Variants in TWSG1 observed in about 807,000 individuals in gnomAD.
TWSG1 encodes the protein twisted gastrulation protein homolog 1.
TWSG1 carries 15 observed loss-of-function variants against 23.0 expected under a neutral mutation model. The ratio of observed to expected loss-of-function variants is 0.65; its 90% CI spans 0.44 to 1.00. The LOEUF (loss-of-function observed/expected upper bound fraction) is 1.00. Ranked by LOEUF, TWSG1 falls within the 50% of genes least tolerant of loss-of-function variation. The probability of loss-of-function intolerance (pLI) is 0.00; values close to 1 mark genes in which losing one functional copy is unlikely to be tolerated. For missense variants in TWSG1, 242 were observed against 278.7 expected (o/e 0.87, Z 0.94); for synonymous variants, 86 against 92.8 (o/e 0.93, Z 0.42).
In TWSG1 at chr18:9,397,052, C is replaced by T. The variant is rs754687115; in HGVS notation, c.490+506C>T. Reference sequence around the variant, plus strand: ...CAGCCTGGGTGGCAGAGCAAGACTCCGTCTCACCAAAAAAAAAAAAGATAA... The same window carrying T: ...CAGCCTGGGTGGCAGAGCAAGACTCTGTCTCACCAAAAAAAAAAAAGATAA... On this transcript the variant is annotated intron_variant, in intron 4 of 4. Transcript: ENST00000262120. 2.8e-3 allele frequency: 368 copies of T among 131,244 alleles called. 1 individual carries two copies. Among genetic ancestry groups the T allele is most frequent in the Admixed American group, 6.2e-3 (79 of 12,788 alleles). The allele number at this position is 131,244 out of a possible 1,614,324, so 8.1% of individuals were successfully genotyped here. A position where few individuals can be genotyped will look rare whatever the true frequency, so the allele number is the denominator to read the frequency against.
intron 3 of TWSG1, among the ~76,000 whole-genome samples, chr18:9,385,128 T>G (rs1256317390): frequency 2.0e-5 from 3 of 152,240 alleles, no homozygotes. Context: ...TTTGAAGATC[T>G]GTCTGTAGAA....
chr18:9,383,489 G>A (rs2040668788), intron 3 of TWSG1, among the ~76,000 whole-genome samples: 1 of 152,178 alleles, frequency 6.6e-6, no homozygotes, highest in Non-Finnish European at 1.5e-5. Flanking sequence ...ACTGCACCCG[G>A]CCTTGAATTA....
At chr18:9,378,763 G>A (rs1418981339) in intron 3 of TWSG1, among the ~76,000 whole-genome samples, 2 of 151,604 alleles carry the variant, frequency 1.3e-5, no homozygotes, top group Non-Finnish European at 2.9e-5. Context: ...CTGAGTTTAG[G>A]AGTTTGAGAC....
chr18:9,385,087 G>T (rs2040676027), intron 3 of TWSG1, among the ~76,000 whole-genome samples: 1 of 152,222 alleles, frequency 6.6e-6, no homozygotes, highest in South Asian at 2.1e-4. Flanking sequence ...GAGTGTGGGT[G>T]TGAGAAATGA....
chr18:9,356,469 A>G (rs2040527314), intron 2 of TWSG1, among the ~76,000 whole-genome samples: 2 of 152,332 alleles, frequency 1.3e-5, no homozygotes, highest in South Asian at 2.1e-4. Context: ...AGATTTCTCT[A>G]ATGGGAACTA....
intron 3 of TWSG1, among the ~76,000 whole-genome samples, chr18:9,368,867 G>A (rs563943627): frequency 6.5e-4 from 99 of 152,222 alleles, no homozygotes; most frequent in African/African-American, 2.3e-3. Context: ...AGAATCGCTT[G>A]AGCCTGGGAG....
At chr18:9,367,673 T>G (rs112862111) in intron 3 of TWSG1, among the ~76,000 whole-genome samples, 123 of 152,264 alleles carry the variant, frequency 8.1e-4, no homozygotes, top group African/African-American at 2.9e-3. Flanking sequence ...CGAACCCTAT[T>G]GTGAACTGCA....
At chr18:9,369,581 T>G (rs180671746) in intron 3 of TWSG1, among the ~76,000 whole-genome samples, 2 of 152,256 alleles carry the variant, frequency 1.3e-5, no homozygotes. Context: ...GCCCATTTTT[T>G]AATATTGGAT....
At chr18:9,365,721 C>T (rs934103466) in intron 3 of TWSG1, among the ~76,000 whole-genome samples, 1 of 151,918 alleles carries the variant, frequency 6.6e-6, no homozygotes, top group Admixed American at 6.6e-5. Flanking sequence ...AAAAACTAGG[C>T]CAGGCCCAGA....
chr18:9,371,857 C>T lies in TWSG1; in HGVS notation c.223+11786C>T, dbSNP rs570403877. Among the ~76,000 whole-genome samples, 31 of 151,140 alleles carry T rather than the reference C, an allele frequency of 2.1e-4. 1 individual carries two copies. The highest frequency in any genetic ancestry group is 1.9e-3 in the Admixed American group (29 of 15,176). ...CTCAGTCTCGGCTCACTGCAACCTCCGCCTCCCCGGTGATTCTCCTGCCTC... is the reference window on the plus strand; with the variant it reads ...CTCAGTCTCGGCTCACTGCAACCTCTGCCTCCCCGGTGATTCTCCTGCCTC... On this transcript the variant is annotated intron_variant, in intron 3 of 4. Transcript: ENST00000262120.
At chr18:9,340,704 G>GT (rs1205198154) in intron 2 of TWSG1, among the ~76,000 whole-genome samples, 1 of 152,204 alleles carries the variant, frequency 6.6e-6, no homozygotes, top group Non-Finnish European at 1.5e-5. Flanking sequence ...CTTGAAGGTG[G>GT]TGGGGGTGGA....
chr18:9,356,399 A>G (rs1170843256), intron 2 of TWSG1, among the ~76,000 whole-genome samples: 1 of 152,164 alleles, frequency 6.6e-6, no homozygotes, highest in Non-Finnish European at 1.5e-5. Context: ...TTTTCATTCT[A>G]GTTTAAAACA....
intron 3 of TWSG1, among the ~76,000 whole-genome samples, chr18:9,370,605 A>G (rs796636976): frequency 3.3e-5 from 5 of 152,352 alleles, no homozygotes; most frequent in African/African-American, 1.2e-4. Context: ...ATTTAGGCCT[A>G]TTCAGAGTTT....
intron 3 of TWSG1, among the ~76,000 whole-genome samples, chr18:9,395,889 T>G (rs73383462): frequency 0.041 from 6,170 of 152,150 alleles, 403 homozygotes; most frequent in African/African-American, 0.14. Flanking sequence ...AATGCTCAAA[T>G]TGTCTATTAG....
At chr18:9,365,617 T>C (rs2040574966) in intron 3 of TWSG1, among the ~76,000 whole-genome samples, 1 of 151,792 alleles carries the variant, frequency 6.6e-6, no homozygotes. Context: ...GTTCAGGCTG[T>C]ACTGAGCCAT....
chr18:9,339,267 G>C (rs2040435514), intron 2 of TWSG1, among the ~76,000 whole-genome samples: 1 of 151,906 alleles, frequency 6.6e-6, no homozygotes, highest in Non-Finnish European at 1.5e-5. Context: ...ATTTAAAAGA[G>C]AAAGCTTTTG....
chr18:9,374,524 T>C (rs1028651499), intron 3 of TWSG1, among the ~76,000 whole-genome samples: 1 of 152,202 alleles, frequency 6.6e-6, no homozygotes, highest in South Asian at 2.1e-4. Context: ...TTAAATAAAT[T>C]GAATCAATTG....
intron 2 of TWSG1, among the ~76,000 whole-genome samples, chr18:9,341,477 T>C (rs1170032645): frequency 6.6e-6 from 1 of 152,218 alleles, no homozygotes; most frequent in African/African-American, 2.4e-5. Context: ...CTAACTCTTA[T>C]ATTTTTACTT....
chr18:9,400,762 A>T lies in TWSG1; in HGVS notation c.*1235A>T, dbSNP rs1210608805. On this transcript the variant is annotated 3_prime_UTR_variant, in exon 5 of 5. Transcript: ENST00000262120. ...CACTACAGAATTTAGTCAACATTTT[A>T]TATAATGTTTCAATAAATGTTTCTT... 2 of 152,220 alleles carry T rather than the reference A, an allele frequency of 1.3e-5. No homozygotes were observed. The highest frequency in any genetic ancestry group is 2.1e-4 in the South Asian group (1 of 4,832). The allele number at this position is 152,220 out of a possible 1,614,324, so 9.4% of individuals were successfully genotyped here. A position where few individuals can be genotyped will look rare whatever the true frequency, so the allele number is the denominator to read the frequency against.
Sources: allele counts gnomAD v4.1 joint callset (sites outside exome capture counted in the v4.1 genomes callset), GRCh38; gene constraint gnomAD v4.1.1; transcripts MANE v1.5; gene names NCBI Gene and HGNC (gene_info 2026-07-23, HGNC 2026-07-21).